Variants in KCNC3 observed in about 807,000 individuals in gnomAD.
KCNC3 encodes the protein voltage-gated potassium channel KCNC3.
A neutral mutation model predicts 43.9 loss-of-function variants in KCNC3; 22 were observed. The ratio of observed to expected loss-of-function variants is 0.50; its 90% CI spans 0.36 to 0.72. KCNC3 has a LOEUF of 0.72. KCNC3 is among the 30% of genes least tolerant of loss of function. The pLI is 0.00. For synonymous variants in KCNC3, 492 were observed against 488.0 expected, an observed-to-expected ratio of 1.01 and a Z score of -0.11; for missense variants, 829 against 1,073.8, an observed-to-expected ratio of 0.77 and a Z score of 3.19.
In KCNC3 at chr19:50,323,531, G is replaced by A. The variant is rs570822351; in HGVS notation, c.1422C>T (p.Ala474=). 6 of 1,614,214 alleles carry A rather than the reference G, an allele frequency of 3.7e-6. No individual in the cohort carries two copies. Among genetic ancestry groups the A allele is most frequent in the South Asian group, 2.2e-5 (2 of 91,086 alleles). Residue 474 remains alanine, a synonymous_variant, in exon 2 of 5, where the codon GCC becomes GCT. Coordinates refer to ENST00000477616, the MANE Select transcript of KCNC3 (RefSeq NM_004977.3). The part of the protein sequence containing the change: ...TMIYYAERIG[A]DPDDILGSNH... ...TGGAGCCCAGGATGTCATCGGGGTC[G>A]GCGCCAATGCGCTCAGCGTAGTAAA... is the stretch of plus-strand genomic sequence containing the variant.
intron 1 of KCNC3, among the ~76,000 whole-genome samples, chr19:50,327,560 G>T (rs1206235653): frequency 1.3e-5 from 2 of 152,064 alleles, no homozygotes; most frequent in Non-Finnish European, 2.9e-5. Context: ...CTGCAGGAAG[G>T]GAGTGGAAAA....
intron 4 of KCNC3, among the ~76,000 whole-genome samples, chr19:50,319,145 A>G (rs1015887079): frequency 6.6e-6 from 1 of 152,012 alleles, no homozygotes; most frequent in Non-Finnish European, 1.5e-5. Flanking sequence ...ACTTGGTGAT[A>G]TTTGCTGAAT....
At position 50,320,901 on chromosome 19, in the gene KCNC3, A is replaced by C. The variant is rs2037025044; in HGVS notation, c.1979-117T>G. On this transcript the variant is annotated intron_variant, in intron 2 of 4. Coordinates refer to ENST00000477616, the MANE Select transcript of KCNC3 (RefSeq NM_004977.3). ...CTGGGATGGTCGGCGGATGTTTGGCACTGGAAGTGGAGATTCAAGGGCAGG... is the reference window on the plus strand; with the variant it reads ...CTGGGATGGTCGGCGGATGTTTGGCCCTGGAAGTGGAGATTCAAGGGCAGG... 8 of 931,774 alleles carry C rather than the reference A, an allele frequency of 8.6e-6. No individual in the cohort carries two copies. In the East Asian group the frequency reaches 2.4e-4, roughly 28 times the overall value. The allele number at this position is 931,774 out of a possible 1,614,324, so 57.7% of individuals were successfully genotyped here. A position where few individuals can be genotyped will look rare whatever the true frequency, so the allele number is the denominator to read the frequency against.
chr19:50,318,302 G>A (rs1217225092), intron 4 of KCNC3, among the ~76,000 whole-genome samples: 1 of 152,038 alleles, frequency 6.6e-6, no homozygotes. Context: ...AGCCTCCCAA[G>A]TAGCTGGGAC....
At position 50,323,042 on chromosome 19, in the gene KCNC3, A is replaced by G. The variant is rs2037053328; in HGVS notation, c.1911T>C (p.Pro637=). The change falls in exon 2 of 5, where the codon CCT becomes CCC. Residue 637 remains proline (P), a synonymous_variant. Transcript: ENST00000477616. ...AAGGCTCGCCGGGGGCTGGCAGAGG[A>G]GGCAGCCCCATGATCCCCAGCCCAC... The part of the protein sequence containing the change: ...GAGGLGIMGL[P]PLPAPGEPCP... 1.3e-6 allele frequency: 2 copies of G among 1,543,462 alleles called. No individual in the cohort carries two copies. The highest frequency in any genetic ancestry group is 1.7e-6 in the Non-Finnish European group (2 of 1,144,368).
At position 50,328,477 on chromosome 19, in the gene KCNC3, G is replaced by A. The variant is rs375782591; in HGVS notation, c.606C>T (p.Phe202=). ...HRDAEEALDS[F]EAPDPAGAAN... is the part of the protein sequence containing the mutation. ...CGGCGCCCGCGGGGTCGGGCGCCTC[G>A]AAGGAGTCGAGCGCCTCCTCAGCGT... Residue 202 remains phenylalanine (F), a synonymous_variant, in exon 1 of 5, where the codon TTC becomes TTT. Coordinates refer to ENST00000477616, the MANE Select transcript of KCNC3 (RefSeq NM_004977.3). 6 of 1,606,670 alleles carry A rather than the reference G, an allele frequency of 3.7e-6. No homozygotes were observed. Among genetic ancestry groups the A allele is most frequent in the Admixed American group, 3.4e-5 (2 of 59,620 alleles).
upstream of KCNC3, among the ~76,000 whole-genome samples, chr19:50,331,919 C>T (rs368290839): frequency 5.6e-4 from 86 of 152,234 alleles, no homozygotes; most frequent in South Asian, 0.017. Flanking sequence ...CTAGCTGGGA[C>T]TGCGTCACTG....
intron 4 of KCNC3, among the ~76,000 whole-genome samples, chr19:50,317,877 A>G (rs1034740254): frequency 2.7e-4 from 41 of 152,148 alleles, no homozygotes; most frequent in African/African-American, 6.5e-4. Flanking sequence ...GGCTCACTGC[A>G]GCCTCCCAGA....
upstream of KCNC3, chr19:50,329,692 A>C (rs1484786507): frequency 6.6e-6 from 1 of 152,438 alleles, no homozygotes; most frequent in East Asian, 1.9e-4. Context: ...GAAACGGTCC[A>C]GATGAGACTG....
Position 50,328,872 on chromosome 19 carries a change from CG to C in KCNC3, c.210del (p.Leu72CysfsTer20). ...CGCCCCATGGCCGCCGCCGGCAGCC[CG>C]GGGCATGGCTCGGCGCGCCGGTCCC... The part of the protein sequence containing the change: ...GPGDRRAEPC[P>X]GLPAAAMGRH... On this transcript the variant is annotated frameshift_variant, in exon 1 of 5. Coordinates refer to ENST00000477616, the MANE Select transcript of KCNC3 (RefSeq NM_004977.3). LOFTEE classifies it high-confidence loss of function. The C allele has an allele frequency of 8.2e-7, 1 of 1,218,254 alleles. No individual in the cohort carries two copies. Among genetic ancestry groups the C allele is most frequent in the Admixed American group, 4.5e-5 (1 of 22,470 alleles). 75.5% of individuals were successfully genotyped at this position (1,218,254 alleles called of 1,614,324 possible).
At chr19:50,318,991 C>CAAAAAAAAAAA (rs11326559) in intron 4 of KCNC3, among the ~76,000 whole-genome samples, 3 of 71,428 alleles carry the variant, frequency 4.2e-5, no homozygotes, top group Non-Finnish European at 7.2e-5. Context: ...AAGACAGTCT[C>CAAAAAAAAAAA]AAAAAAAAAA....
At chr19:50,318,121 A>G (rs114046008) in intron 4 of KCNC3, among the ~76,000 whole-genome samples, 5,146 of 151,364 alleles carry the variant, frequency 0.034, 291 homozygotes, top group African/African-American at 0.12. Context: ...TGGCCAGAGT[A>G]ATAGTCTTGT....
At chr19:50,321,298 T>A (rs2037031084) in intron 2 of KCNC3, among the ~76,000 whole-genome samples, 1 of 151,958 alleles carries the variant, frequency 6.6e-6, no homozygotes, top group South Asian at 2.1e-4. Context: ...CAAAACTCCA[T>A]CTCTACAAAA....
At chr19:50,333,012 A>G (rs1360094035), upstream of KCNC3, among the ~76,000 whole-genome samples, 3 of 152,014 alleles carry the variant, frequency 2.0e-5, no homozygotes, top group East Asian at 5.8e-4. Context: ...TCTGCCTACG[A>G]TCCTTCGTCC....
At chr19:50,321,759 G>C (rs1441650520) in intron 2 of KCNC3, among the ~76,000 whole-genome samples, 1 of 151,908 alleles carries the variant, frequency 6.6e-6, no homozygotes, top group Non-Finnish European at 1.5e-5. Context: ...GACAGAGTGA[G>C]ACTCCGTCTT....
intron 1 of KCNC3, among the ~76,000 whole-genome samples, chr19:50,325,271 A>T (rs2037088024): frequency 6.6e-6 from 1 of 152,020 alleles, no homozygotes; most frequent in African/African-American, 2.4e-5. Flanking sequence ...GAAGGAAGAC[A>T]GGTGTTATAG....
At chr19:50,325,976 G>A (rs1378006901) in intron 1 of KCNC3, among the ~76,000 whole-genome samples, 1 of 152,234 alleles carries the variant, frequency 6.6e-6, no homozygotes, top group African/African-American at 2.4e-5. Context: ...GCGTCGGGCT[G>A]GTTTAACCCC....
rs537280999 is a variant in KCNC3, at chr19:50,326,492, C to T, written c.870+1721G>A. Among the ~76,000 whole-genome samples, 9 of 152,258 alleles carry T rather than the reference C, an allele frequency of 5.9e-5. No homozygotes were observed. In the South Asian group the frequency reaches 1.7e-3, roughly 28 times the overall value. ...GGCTCCAGGCGTCCCCCCGCTCCCT[C>T]CCCCGGCGCGAATGCGGCACTGCGG... On this transcript the variant is annotated intron_variant, in intron 1 of 4. Transcript: ENST00000477616.
At chr19:50,318,153 G>GCTT (rs1320762682) in intron 4 of KCNC3, among the ~76,000 whole-genome samples, 1 of 151,332 alleles carries the variant, frequency 6.6e-6, no homozygotes, top group Non-Finnish European at 1.5e-5. Flanking sequence ...TATCTTAATT[G>GCTT]CTTCTTTTCT....
Sources: allele counts gnomAD v4.1 joint callset (sites outside exome capture counted in the v4.1 genomes callset), GRCh38; gene constraint gnomAD v4.1.1; transcripts MANE v1.5; gene names NCBI Gene and HGNC (gene_info 2026-07-23, HGNC 2026-07-21).